PARP8: variants seen among roughly 807,000 people sequenced by gnomAD.
The protein encoded by PARP8 is protein mono-ADP-ribosyltransferase PARP8.
Under a neutral mutation model 124.1 loss-of-function variants are expected in PARP8, and 51 were observed. The observed-to-expected ratio is 0.41, with a 90% CI of 0.33 to 0.52. The LOEUF is 0.52. Ranked by LOEUF, PARP8 falls within the 20% of genes least tolerant of loss-of-function variation. The pLI is 0.21. For synonymous variants in PARP8, 391 were observed against 361.5 expected (o/e 1.08, Z -0.93); for missense variants, 860 against 1,018.9 (o/e 0.84, Z 2.12).
At chr5:50,813,148 A>G (rs1744671310) in intron 14 of PARP8, among the ~76,000 whole-genome samples, 1 of 152,162 alleles carries the variant, frequency 6.6e-6, no homozygotes, top group South Asian at 2.1e-4. Context: ...TGGTAGCTTC[A>G]TGGGGATGGC....
At chr5:50,795,594 G>A (rs977909082) in intron 12 of PARP8, among the ~76,000 whole-genome samples, 177 bp downstream of exon 12, 1 of 151,878 alleles carries the variant, frequency 6.6e-6, no homozygotes, top group African/African-American at 2.4e-5. Flanking sequence ...GCAATGAAAT[G>A]TAAGCTTTGG....
At chr5:50,747,913 C>T (rs1348531688) in intron 2 of PARP8, among the ~76,000 whole-genome samples, 1 of 151,664 alleles carries the variant, frequency 6.6e-6, no homozygotes, top group Non-Finnish European at 1.5e-5. Flanking sequence ...GCTGGGACTA[C>T]AGGCGCCTGC....
At chr5:50,666,504 A>G (rs1431953198), upstream of PARP8, 1 of 150,906 alleles carries the variant, frequency 6.6e-6, no homozygotes, top group African/African-American at 2.4e-5. Flanking sequence ...GATGGCTAAT[A>G]CTCTGCGAGC....
At chr5:50,714,118 A>G (rs1755059732) in intron 2 of PARP8, among the ~76,000 whole-genome samples, 1 of 148,446 alleles carries the variant, frequency 6.7e-6, no homozygotes, top group Admixed American at 6.7e-5. Flanking sequence ...TTCATCAAGC[A>G]CAAAGTTTAT....
At position 50,819,691 on chromosome 5, in the gene PARP8, T is replaced by A. The variant is rs184538773; in HGVS notation, c.1669-1522T>A. On this transcript the variant is annotated intron_variant, in intron 15 of 25. Transcript: ENST00000281631. ...CCTGACCTCAGGCAATCCTCCCTCC[T>A]TGGCCTCCCAAACAAAGTGCTAGGA... is the stretch of plus-strand genomic sequence containing the variant. 1.1e-4 allele frequency among the ~76,000 whole-genome samples: 16 copies of A among 152,176 alleles called. No homozygotes were observed. In the East Asian group the frequency reaches 3.1e-3, roughly 30 times the overall value.
At chr5:50,667,786 C>T (rs2112179723) in intron 1 of PARP8, 1 of 879,132 alleles carries the variant, frequency 1.1e-6, no homozygotes, top group East Asian at 2.6e-5. Flanking sequence ...TTTGCTTTCG[C>T]TACCGCGAGC....
chr5:50,714,750 TG>T (rs908411831), intron 2 of PARP8, among the ~76,000 whole-genome samples: 4 of 152,126 alleles, frequency 2.6e-5, no homozygotes, highest in African/African-American at 9.6e-5. Context: ...CAACTCTATG[TG>T]CAGCCTTCCA....
rs1375769593 is a variant in PARP8, at chr5:50,829,966, T to G, written c.2233+5T>G. 6.2e-7 allele frequency: 1 copy of G among 1,603,378 alleles called. No homozygotes were observed. Among genetic ancestry groups the G allele is most frequent in the East Asian group, 2.2e-5 (1 of 44,644 alleles). ...GCATATCATTTGGTTACTCAGGTAA[T>G]TCCTGTATTTCATTTCTAAAGTCAC... On this transcript the variant is annotated splice_donor_5th_base_variant and intron_variant, in intron 22 of 25. Transcript: ENST00000281631.
At position 50,845,464 on chromosome 5, in the gene PARP8, T is replaced by A. The variant is rs1241659286; in HGVS notation, c.*3396T>A. The A allele has an allele frequency of 6.6e-6, 1 of 151,770 alleles. No homozygotes were observed. Among genetic ancestry groups the A allele is most frequent in the African/African-American group, 2.4e-5 (1 of 41,384 alleles). 9.4% of individuals were successfully genotyped at this position (151,770 alleles called of 1,614,324 possible). On this transcript the variant is annotated 3_prime_UTR_variant, in exon 26 of 26. Transcript: ENST00000281631. ...TATGATGTTCTATTGTCTTGCTGAATTCTTTATTATAACACTACCTCAAGA... is the reference window on the plus strand; with the variant it reads ...TATGATGTTCTATTGTCTTGCTGAAATCTTTATTATAACACTACCTCAAGA...
chr5:50,762,928 C>T (rs150251986), intron 6 of PARP8, among the ~76,000 whole-genome samples: 1 of 152,186 alleles, frequency 6.6e-6, no homozygotes, highest in Non-Finnish European at 1.5e-5. Context: ...TAGTTTTTTA[C>T]ATTTGCTTTT....
At chr5:50,814,967 C>A (rs1744931660) in intron 14 of PARP8, among the ~76,000 whole-genome samples, 1 of 151,898 alleles carries the variant, frequency 6.6e-6, no homozygotes. Context: ...TAAACAGAAT[C>A]ATGCTATTTT....
At chr5:50,818,786 A>C (rs111997894) in intron 15 of PARP8, among the ~76,000 whole-genome samples, 2,365 of 152,348 alleles carry the variant, frequency 0.016, 64 homozygotes, top group African/African-American at 0.055. Context: ...CTTCTTAAAA[A>C]GTCTAATGCT....
chr5:50,686,634 G>A (rs1264331715), intron 2 of PARP8, among the ~76,000 whole-genome samples: 3 of 152,184 alleles, frequency 2.0e-5, no homozygotes, highest in African/African-American at 7.2e-5. Flanking sequence ...GCCCCCTACA[G>A]CATACTTTTG....
intron 2 of PARP8, among the ~76,000 whole-genome samples, chr5:50,696,817 T>A (rs1359351893): frequency 6.6e-6 from 1 of 152,140 alleles, no homozygotes; most frequent in Non-Finnish European, 1.5e-5. Context: ...ACTGTAGCTT[T>A]TGGAATTTCT....
chr5:50,802,907 C>G (rs1304672388), intron 14 of PARP8, among the ~76,000 whole-genome samples: 1 of 152,128 alleles, frequency 6.6e-6, no homozygotes, highest in Admixed American at 6.5e-5. Flanking sequence ...TACCTTTACC[C>G]AAGCTCTTTA....
At chr5:50,809,892 A>T (rs1008538345) in intron 14 of PARP8, among the ~76,000 whole-genome samples, 1 of 152,072 alleles carries the variant, frequency 6.6e-6, no homozygotes, top group African/African-American at 2.4e-5. Flanking sequence ...CTAGATTCTT[A>T]GAGTTGTATT....
chr5:50,711,839 T>A (rs540626230), intron 2 of PARP8, among the ~76,000 whole-genome samples: 8 of 152,266 alleles, frequency 5.3e-5, no homozygotes, highest in Non-Finnish European at 1.2e-4. Context: ...ACCTTTTATT[T>A]CTGTTTTCCA....
chr5:50,815,991 AT>A (rs368093652), intron 15 of PARP8, among the ~76,000 whole-genome samples: 6,495 of 150,168 alleles, frequency 0.043, 434 homozygotes, highest in African/African-American at 0.15. Context: ...AAATTTCCAG[AT>A]TTTTTTTTTC....
intron 2 of PARP8, among the ~76,000 whole-genome samples, chr5:50,722,652 C>T (rs1756017550): frequency 6.6e-6 from 1 of 152,104 alleles, no homozygotes; most frequent in African/African-American, 2.4e-5. Context: ...TGGAATCCAA[C>T]TGTGTGCCCT....
Sources: gnomAD v4.1 joint callset for allele counts (sites outside exome capture counted in the v4.1 genomes callset) on GRCh38, gnomAD v4.1.1 for gene constraint, MANE v1.5 for transcripts, NCBI Gene and HGNC (gene_info 2026-07-23, HGNC 2026-07-21) for gene names.